Variants in JPH2 observed in about 807,000 individuals in gnomAD.
JPH2 encodes junctophilin 2.
A neutral mutation model predicts 55.9 loss-of-function variants in JPH2; 38 were observed. The observed-to-expected ratio is 0.68, with a 90% CI of 0.52 to 0.89. The LOEUF (loss-of-function observed/expected upper bound fraction) is 0.89. Ranked by LOEUF, JPH2 falls within the 40% of genes least tolerant of loss-of-function variation. The pLI is 0.00. For synonymous variants in JPH2, 480 were observed against 472.4 expected, an observed-to-expected ratio of 1.02 and a Z score of -0.21; for missense variants, 964 against 1,037.6, an observed-to-expected ratio of 0.93 and a Z score of 0.97.
chr20:44,140,286 G>A (rs1014328586), intron 2 of JPH2, among the ~76,000 whole-genome samples: 1 of 152,222 alleles, frequency 6.6e-6, no homozygotes, highest in East Asian at 1.9e-4. Flanking sequence ...GGGAGAAACT[G>A]TGCAGGCCTG....
At chr20:44,132,357 C>CAGACAG (rs1219211679) in intron 2 of JPH2, among the ~76,000 whole-genome samples, 11 of 78,530 alleles carry the variant, frequency 1.4e-4, no homozygotes, top group African/African-American at 4.5e-4. Context: ...GACAGACAGA[C>CAGACAG]ACACACACAC....
intron 1 of JPH2, among the ~76,000 whole-genome samples, chr20:44,165,661 C>G (rs938107387): frequency 6.6e-6 from 1 of 152,182 alleles, no homozygotes; most frequent in Admixed American, 6.5e-5. Flanking sequence ...GTGCTCCTCT[C>G]CCGCCATCCT....
chr20:44,137,916 T>C (rs1555856307), intron 2 of JPH2, among the ~76,000 whole-genome samples: 1 of 152,070 alleles, frequency 6.6e-6, no homozygotes, highest in Non-Finnish European at 1.5e-5. Flanking sequence ...TGCTTTCTAC[T>C]GGCAGGACCA....
At chr20:44,145,161 G>A (rs1253674837) in intron 2 of JPH2, among the ~76,000 whole-genome samples, 1 of 152,078 alleles carries the variant, frequency 6.6e-6, no homozygotes, top group Non-Finnish European at 1.5e-5. Flanking sequence ...GCACTGATCC[G>A]AATCCCTGGG....
chr20:44,177,367 A>T, intron 1 of JPH2: 1 of 987,554 alleles, frequency 1.0e-6, no homozygotes, highest in Non-Finnish European at 1.2e-6. Flanking sequence ...GCACGGAATT[A>T]GCAGGTCCCG....
intron 2 of JPH2, among the ~76,000 whole-genome samples, chr20:44,120,921 A>G (rs534218057): frequency 4.6e-5 from 7 of 152,336 alleles, no homozygotes; most frequent in Non-Finnish European, 8.8e-5. Flanking sequence ...CATGGCCAGG[A>G]ACTGAGGACA....
chr20:44,134,628 T>A lies in JPH2; in HGVS notation c.1170-16005A>T, dbSNP rs1479203265. Among the ~76,000 whole-genome samples, 2 of 66,458 alleles carry A rather than the reference T, an allele frequency of 3.0e-5. 1 individual carries two copies. The highest frequency in any genetic ancestry group is 4.9e-5 in the Non-Finnish European group (2 of 40,872). 43.6% of individuals were successfully genotyped at this position (66,458 alleles called of 152,430 possible). On this transcript the variant is annotated intron_variant, in intron 2 of 5. Transcript: ENST00000372980. ...TATTATAAATATAATAAATATATATTTATTATAAATATATAAATATTTATT... is the reference window on the plus strand; with the variant it reads ...TATTATAAATATAATAAATATATATATATTATAAATATATAAATATTTATT...
At chr20:44,122,651 A>G (rs117239695) in intron 2 of JPH2, among the ~76,000 whole-genome samples, 1,946 of 152,198 alleles carry the variant, frequency 0.013, 15 homozygotes, top group Non-Finnish European at 0.02. Flanking sequence ...GGAGATAGTA[A>G]TTCTCCCCTC....
intron 2 of JPH2, among the ~76,000 whole-genome samples, chr20:44,149,028 C>T (rs946516303): frequency 2.0e-5 from 3 of 150,782 alleles, no homozygotes; most frequent in Non-Finnish European, 2.9e-5. Context: ...GATGGCGCCA[C>T]TGCACTCCAG....
At chr20:44,122,560 C>A (rs980575853) in intron 2 of JPH2, among the ~76,000 whole-genome samples, 2 of 152,240 alleles carry the variant, frequency 1.3e-5, no homozygotes, top group African/African-American at 2.4e-5. Context: ...TACTCACTCA[C>A]CTCACCCCAC....
intron 2 of JPH2, among the ~76,000 whole-genome samples, chr20:44,123,095 C>T (rs539059685): frequency 7.2e-5 from 11 of 152,274 alleles, no homozygotes; most frequent in African/African-American, 1.9e-4. Context: ...AGAACAGGGG[C>T]GGCCACACAG....
At chr20:44,180,424 CG>C (rs1439870397) in intron 1 of JPH2, among the ~76,000 whole-genome samples, 1 of 151,984 alleles carries the variant, frequency 6.6e-6, no homozygotes, top group Non-Finnish European at 1.5e-5. Context: ...CTCGACCTCC[CG>C]GGCTCAAGCG....
chr20:44,139,222 C>T lies in JPH2; in HGVS notation c.1169+20396G>A, dbSNP rs181058568. Among the ~76,000 whole-genome samples, 28 of 152,234 alleles carry T rather than the reference C, an allele frequency of 1.8e-4. No individual in the cohort carries two copies. In the East Asian group the frequency reaches 3.7e-3, roughly 20 times the overall value. ...AACCACAGAGGGGCAGGGACTTGCC[C>T]GGGGTCATTCAGCAAGTCAGTGGCA... On this transcript the variant is annotated intron_variant, in intron 2 of 5. Coordinates refer to ENST00000372980, the MANE Select transcript of JPH2 (RefSeq NM_020433.5).
At position 44,177,317 on chromosome 20, in the gene JPH2, G is replaced by T. The variant is rs1427465050; in HGVS notation, c.379+9010C>A. ...AATGAGACTCGGCATTCCTCATGAG[G>T]GTGTGGAGGGCAGGGCCTGCTCCGG... On this transcript the variant is annotated intron_variant, in intron 1 of 5. Coordinates refer to ENST00000372980, the MANE Select transcript of JPH2 (RefSeq NM_020433.5). 3 of 986,554 alleles carry T rather than the reference G, an allele frequency of 3.0e-6. No individual in the cohort carries two copies. The African/African-American group carries it at 5.2e-5, about 17-fold the overall frequency. 61.1% of individuals were successfully genotyped at this position (986,554 alleles called of 1,614,324 possible).
At chr20:44,150,633 T>C (rs1019359143) in intron 2 of JPH2, among the ~76,000 whole-genome samples, 1 of 152,192 alleles carries the variant, frequency 6.6e-6, no homozygotes, top group Admixed American at 6.5e-5. Context: ...CAAAACTTAG[T>C]ACAAAGCTAC....
chr20:44,182,462 G>A (rs2072792869), intron 1 of JPH2, among the ~76,000 whole-genome samples: 1 of 152,192 alleles, frequency 6.6e-6, no homozygotes, highest in African/African-American at 2.4e-5. Context: ...CACCTGGCCT[G>A]AAGAGCTCCT....
rs887160156 is a variant in JPH2, at chr20:44,186,944, G to C, written c.-239C>G. Reference sequence around the variant, plus strand: ...CGACTCCACCAGCCAGAGCAAGGCTGCCTGCTGGAAAGAAAGCAGGAAGGA... The same window carrying C: ...CGACTCCACCAGCCAGAGCAAGGCTCCCTGCTGGAAAGAAAGCAGGAAGGA... On this transcript the variant is annotated 5_prime_UTR_variant, in exon 1 of 6. Transcript: ENST00000372980. The C allele has an allele frequency of 1.0e-5, 6 of 587,612 alleles. No homozygotes were observed. Among genetic ancestry groups the C allele is most frequent in the African/African-American group, 9.3e-5 (5 of 53,648 alleles). The allele number at this position is 587,612 out of a possible 1,614,324, so 36.4% of individuals were successfully genotyped here. A position where few individuals can be genotyped will look rare whatever the true frequency, so the allele number is the denominator to read the frequency against.
chr20:44,160,421 G>C lies in JPH2; in HGVS notation c.380-14C>G, dbSNP rs2072602328. 2 of 1,607,562 alleles carry C rather than the reference G, an allele frequency of 1.2e-6. No homozygotes were observed. Among genetic ancestry groups the C allele is most frequent in the East Asian group, 2.2e-5 (1 of 44,728 alleles). On this transcript the variant is annotated splice_polypyrimidine_tract_variant and intron_variant, in intron 1 of 5. Coordinates refer to ENST00000372980, the MANE Select transcript of JPH2 (RefSeq NM_020433.5). The surrounding 1 kb of genome is among the most constrained non-coding windows in gnomAD (Gnocchi z 4.9). ...CTTGGTACGTCCCTGCGGGCGAGGA[G>C]AGGGCGCGTCAGTAGGCGGCACGAC... is the stretch of plus-strand genomic sequence containing the variant.
In JPH2 at chr20:44,159,577, C is replaced by T. The variant is rs368337259; in HGVS notation, c.1169+41G>A. The T allele has an allele frequency of 4.5e-6, 7 of 1,567,878 alleles. No individual in the cohort carries two copies. The African/African-American group carries it at 5.4e-5, about 12-fold the overall frequency. On this transcript the variant is annotated intron_variant, in intron 2 of 5. Coordinates refer to ENST00000372980, the MANE Select transcript of JPH2 (RefSeq NM_020433.5). The surrounding 1 kb of genome is among the most constrained non-coding windows in gnomAD (Gnocchi z 5.7). The stretch of plus-strand genomic sequence containing the variant: ...TGCCCTGCCCCAGGACCCCCTTCTC[C>T]GAGGGGAGGCGACCCCTTCCCACCC...
Sources: allele counts gnomAD v4.1 joint callset (sites outside exome capture counted in the v4.1 genomes callset), GRCh38; gene constraint gnomAD v4.1.1; non-coding constraint Gnocchi (gnomAD v3.1); transcripts MANE v1.5; gene names NCBI Gene and HGNC (gene_info 2026-07-23, HGNC 2026-07-21).